Variants in GLIS3 observed in about 807,000 individuals in gnomAD.
GLIS3 encodes the protein zinc finger protein GLIS3.
GLIS3 carries 53 observed loss-of-function variants against 78.6 expected under a neutral mutation model. The ratio of observed to expected loss-of-function variants is 0.67; its 90% CI spans 0.54 to 0.85. GLIS3 has a LOEUF of 0.85. Among genes scored for constraint, GLIS3 ranks in the 40% least tolerant of loss-of-function variants. The probability of loss-of-function intolerance (pLI) is 0.00; values close to 1 mark genes in which losing one functional copy is unlikely to be tolerated. For synonymous variants in GLIS3, 684 were observed against 509.9 expected, an observed-to-expected ratio of 1.34 and a Z score of -4.60; for missense variants, 1,703 against 1,231.1, an observed-to-expected ratio of 1.38 and a Z score of -5.74.
intron 4 of GLIS3, among the ~76,000 whole-genome samples, chr9:3,984,747 T>A (rs1188196677): frequency 6.6e-6 from 1 of 152,166 alleles, no homozygotes; most frequent in African/African-American, 2.4e-5. Context: ...CCCATCCAAA[T>A]CTCATCTTGA....
intron 2 of GLIS3, among the ~76,000 whole-genome samples, chr9:4,271,065 C>G (rs1826467071): frequency 6.6e-6 from 1 of 152,012 alleles, no homozygotes; most frequent in Admixed American, 6.6e-5. Flanking sequence ...TCAGCCTACT[C>G]AATGTGAAGA....
Position 3,977,825 on chromosome 9 carries a change from T to A in GLIS3, c.1711-40636A>T, listed in dbSNP as rs970723902. ...TGAATTGAACCAGGAACACTAGCAG[T>A]CATCACCATTTCTACAGCAGGCTGT... is the stretch of plus-strand genomic sequence containing the variant. On this transcript the variant is annotated intron_variant, in intron 4 of 10. Coordinates refer to ENST00000381971, the MANE Select transcript of GLIS3 (RefSeq NM_001042413.2). The surrounding 1 kb of genome is among the most constrained non-coding windows in gnomAD (Gnocchi z 4.1). Among the ~76,000 whole-genome samples, 1 of 152,206 alleles carries A rather than the reference T, an allele frequency of 6.6e-6. No homozygotes were observed. The highest frequency in any genetic ancestry group is 1.5e-5 in the Non-Finnish European group (1 of 68,036).
At chr9:3,995,749 A>G (rs1038378708) in intron 4 of GLIS3, among the ~76,000 whole-genome samples, 1 of 152,186 alleles carries the variant, frequency 6.6e-6, no homozygotes, top group Non-Finnish European at 1.5e-5. Flanking sequence ...GTATAAATTA[A>G]GTGGAATGCA....
chr9:4,206,617 T>A (rs769066847), intron 2 of GLIS3, among the ~76,000 whole-genome samples: 11 of 152,230 alleles, frequency 7.2e-5, no homozygotes, highest in Non-Finnish European at 1.5e-4. Context: ...CCAAAGCATG[T>A]TGCTGAACTG....
intron 2 of GLIS3, among the ~76,000 whole-genome samples, chr9:4,192,900 G>T (rs1818459324): frequency 6.6e-6 from 1 of 152,154 alleles, no homozygotes; most frequent in Admixed American, 6.5e-5. Flanking sequence ...GGAGGTCAAG[G>T]CCTCAAAAAG....
chr9:3,934,777 T>G (rs562426347), intron 5 of GLIS3, among the ~76,000 whole-genome samples: 8 of 152,314 alleles, frequency 5.3e-5, no homozygotes, highest in African/African-American at 1.9e-4. Flanking sequence ...TCAGCTGACC[T>G]TCACTTTCTT....
rs74708388 is a variant in GLIS3, at chr9:4,293,274, A to C, written c.-99+6147T>G. Among the ~76,000 whole-genome samples, 493 of 152,354 alleles carry C rather than the reference A, an allele frequency of 3.2e-3. 1 individual carries two copies. Among genetic ancestry groups the C allele is most frequent in the African/African-American group, 0.011 (477 of 41,586 alleles). ...ATTCTAGAAATAAAATTTATCACTC[A>C]AACCAAATATTCAGGCATCTTATTG... On this transcript the variant is annotated intron_variant, in intron 1 of 10. Coordinates refer to ENST00000381971, the MANE Select transcript of GLIS3 (RefSeq NM_001042413.2).
At chr9:4,220,626 G>C (rs1003245369) in intron 2 of GLIS3, among the ~76,000 whole-genome samples, 2 of 152,044 alleles carry the variant, frequency 1.3e-5, no homozygotes, top group African/African-American at 4.8e-5. Context: ...GGCATACTGA[G>C]GCATGTCTGG....
chr9:3,898,478 G>C, intron 7 of GLIS3: 1 of 627,714 alleles, frequency 1.6e-6, no homozygotes, highest in Non-Finnish European at 2.9e-6. Flanking sequence ...AAGAGGTAAT[G>C]CATTATTTTA....
At chr9:4,286,547 C>G in intron 1 of GLIS3, 24 bp from the exon 2 acceptor site, 2 of 1,204,616 alleles carry the variant, frequency 1.7e-6, no homozygotes, top group South Asian at 2.6e-5. Flanking sequence ...TAAACGCAGG[C>G]ATTTTTAAAA....
At chr9:4,231,791 A>T (rs1822275438) in intron 2 of GLIS3, among the ~76,000 whole-genome samples, 1 of 152,242 alleles carries the variant, frequency 6.6e-6, no homozygotes, top group East Asian at 1.9e-4. Flanking sequence ...AATTTTTACC[A>T]ATGTAAACAA....
chr9:3,893,031 G>A (rs772913911), intron 7 of GLIS3, among the ~76,000 whole-genome samples: 4 of 152,088 alleles, frequency 2.6e-5, no homozygotes, highest in Admixed American at 6.6e-5. Context: ...GGGGTTTGTT[G>A]TACACATTGT....
intron 4 of GLIS3, among the ~76,000 whole-genome samples, chr9:4,085,999 A>G (rs1828991539): frequency 6.6e-6 from 1 of 152,188 alleles, no homozygotes; most frequent in Non-Finnish European, 1.5e-5. Context: ...TTATCCTTCT[A>G]AAAGACAGCT....
At chr9:4,225,366 T>C (rs1821683401) in intron 2 of GLIS3, among the ~76,000 whole-genome samples, 1 of 152,166 alleles carries the variant, frequency 6.6e-6, no homozygotes, top group African/African-American at 2.4e-5. Context: ...ATGGAACCTC[T>C]GCATGATGAG....
chr9:3,865,609 T>C (rs1463001038), intron 8 of GLIS3, among the ~76,000 whole-genome samples: 1 of 152,214 alleles, frequency 6.6e-6, no homozygotes, highest in Non-Finnish European at 1.5e-5. Flanking sequence ...TGTAATAAAG[T>C]AGAGGTTGCA....
the GLIS3 span, among the ~76,000 whole-genome samples, chr9:4,375,159 C>T: frequency 1.2e-4 from 19 of 152,272 alleles, no homozygotes; most frequent in African/African-American, 4.6e-4. Flanking sequence ...ATTTGGAATT[C>T]TTTCAGGAGT....
At chr9:4,368,298 G>A in the GLIS3 span, among the ~76,000 whole-genome samples, 1 of 150,608 alleles carries the variant, frequency 6.6e-6, no homozygotes, top group African/African-American at 2.4e-5. Context: ...ACGAGGCAGA[G>A]AAATGAAAGA....
intron 2 of GLIS3, among the ~76,000 whole-genome samples, chr9:4,152,769 A>ATTATAAGT (rs1280512305): frequency 2.0e-5 from 3 of 152,232 alleles, no homozygotes; most frequent in Non-Finnish European, 4.4e-5. Flanking sequence ...TATACCATCA[A>ATTATAAGT]TTATAAGTTT....
At chr9:3,911,717 G>C (rs1824167288) in intron 6 of GLIS3, among the ~76,000 whole-genome samples, 2 of 152,172 alleles carry the variant, frequency 1.3e-5, no homozygotes, top group African/African-American at 4.8e-5. Flanking sequence ...TTCTTTGTAA[G>C]ATGTGGATAA....
Sources: allele counts gnomAD v4.1 joint callset (sites outside exome capture counted in the v4.1 genomes callset), GRCh38; gene constraint gnomAD v4.1.1; non-coding constraint Gnocchi (gnomAD v3.1); transcripts MANE v1.5; gene names NCBI Gene and HGNC (gene_info 2026-07-23, HGNC 2026-07-21).